DCC: variants seen among roughly 807,000 people sequenced by gnomAD.
DCC encodes netrin receptor DCC.
A neutral mutation model predicts 172.5 loss-of-function variants in DCC; 58 were observed. The observed-to-expected ratio is 0.34, with a 90% confidence interval of 0.27 to 0.42. The LOEUF (loss-of-function observed/expected upper bound fraction) is 0.42. Among genes scored for constraint, DCC ranks in the 10% least tolerant of loss-of-function variants. DCC has a pLI of 1.00. For missense variants in DCC, 1,740 were observed against 1,791.0 expected (o/e 0.97, Z 0.51); for synonymous variants, 709 against 644.5 (o/e 1.10, Z -1.52).
At chr18:53,376,198 C>T (rs950323798) in intron 15 of DCC, among the ~76,000 whole-genome samples, 8 of 151,954 alleles carry the variant, frequency 5.3e-5, no homozygotes, top group Admixed American at 3.9e-4. Flanking sequence ...TCGAGAACAA[C>T]CTGGCCAACA....
At chr18:52,519,871 G>A (rs2031756738) in intron 1 of DCC, among the ~76,000 whole-genome samples, 1 of 152,164 alleles carries the variant, frequency 6.6e-6, no homozygotes, top group Non-Finnish European at 1.5e-5. Context: ...AAGTATCTGA[G>A]CAAAGAAATA....
intron 1 of DCC, among the ~76,000 whole-genome samples, chr18:52,601,124 T>G (rs1195600414): frequency 6.6e-6 from 1 of 152,138 alleles, no homozygotes; most frequent in Non-Finnish European, 1.5e-5. Flanking sequence ...GTTGCTGTTT[T>G]CTAAGGAGGT....
At chr18:52,677,510 T>A (rs1056435498) in intron 1 of DCC, among the ~76,000 whole-genome samples, 2 of 151,942 alleles carry the variant, frequency 1.3e-5, no homozygotes, top group Non-Finnish European at 2.9e-5. Flanking sequence ...ATTATTATTG[T>A]TTCTATTGTT....
intron 5 of DCC, among the ~76,000 whole-genome samples, chr18:53,002,771 G>GTGTT (rs2041586012): frequency 6.6e-6 from 1 of 152,120 alleles, no homozygotes; most frequent in African/African-American, 2.4e-5. Flanking sequence ...TTTTGAATGA[G>GTGTT]TGTTAGCCTT....
At chr18:52,377,774 T>A (rs1477317970) in intron 1 of DCC, among the ~76,000 whole-genome samples, 1 of 151,536 alleles carries the variant, frequency 6.6e-6, no homozygotes, top group Admixed American at 6.6e-5. Context: ...TGACACAATC[T>A]TGGCTCACCA....
chr18:52,892,620 C>A (rs2039667138), intron 2 of DCC: 1 of 152,146 alleles, frequency 6.6e-6, no homozygotes, highest in African/African-American at 2.4e-5. Flanking sequence ...AGACACATTT[C>A]AGACTATAAA....
At chr18:53,353,440 T>TA (rs1028760858) in intron 15 of DCC, among the ~76,000 whole-genome samples, 5 of 151,838 alleles carry the variant, frequency 3.3e-5, no homozygotes, top group African/African-American at 1.2e-4. Context: ...CTTTAAAGGT[T>TA]AAAAAAATAA....
intron 1 of DCC, among the ~76,000 whole-genome samples, chr18:52,743,838 A>AT (rs542857308): frequency 1.1e-4 from 16 of 152,198 alleles, no homozygotes; most frequent in Non-Finnish European, 2.1e-4. Context: ...GGAAGAGAAA[A>AT]AGAAGAATCA....
At chr18:52,543,119 A>G (rs1329559443) in intron 1 of DCC, among the ~76,000 whole-genome samples, 1 of 152,220 alleles carries the variant, frequency 6.6e-6, no homozygotes, top group Non-Finnish European at 1.5e-5. Context: ...AATAGAGGCT[A>G]GACAGAATGT....
intron 5 of DCC, among the ~76,000 whole-genome samples, chr18:53,022,236 A>G (rs546015265): frequency 2.6e-5 from 4 of 152,138 alleles, no homozygotes; most frequent in Non-Finnish European, 5.9e-5. Context: ...CTCAAATTAG[A>G]TATTCTTATT....
intron 5 of DCC, among the ~76,000 whole-genome samples, chr18:53,051,963 G>A (rs899266338): frequency 1.3e-5 from 2 of 151,974 alleles, no homozygotes; most frequent in African/African-American, 4.8e-5. Context: ...AGGAATGCCA[G>A]TTATTTTAAT....
At chr18:52,677,100 G>C (rs2035658588) in intron 1 of DCC, among the ~76,000 whole-genome samples, 1 of 152,104 alleles carries the variant, frequency 6.6e-6, no homozygotes, top group Non-Finnish European at 1.5e-5. Flanking sequence ...CCAACATTTT[G>C]TAATAGATGT....
chr18:52,438,098 C>T (rs1987855026), intron 1 of DCC, among the ~76,000 whole-genome samples: 1 of 152,122 alleles, frequency 6.6e-6, no homozygotes, highest in Admixed American at 6.5e-5. Flanking sequence ...CTAACCATTC[C>T]CAGTTTCAAA....
intron 9 of DCC, among the ~76,000 whole-genome samples, chr18:53,201,730 A>C (rs1163235390): frequency 1.3e-5 from 2 of 152,110 alleles, no homozygotes; most frequent in Non-Finnish European, 2.9e-5. Context: ...ATCACTGTAC[A>C]CTTTAAGACT....
chr18:52,845,325 A>C (rs1407801410), intron 2 of DCC, among the ~76,000 whole-genome samples: 1 of 152,238 alleles, frequency 6.6e-6, no homozygotes, highest in Non-Finnish European at 1.5e-5. Context: ...ATATTGACAC[A>C]ATTTAAAATG....
chr18:53,512,158 C>A (rs1273502912), intron 27 of DCC, among the ~76,000 whole-genome samples: 1 of 150,706 alleles, frequency 6.6e-6, no homozygotes, highest in Non-Finnish European at 1.5e-5. Context: ...CTGACCCCGA[C>A]CCCCCAGCAG....
chr18:52,925,697 A>G (rs1291326948), intron 5 of DCC, among the ~76,000 whole-genome samples: 2 of 152,030 alleles, frequency 1.3e-5, no homozygotes, highest in Non-Finnish European at 2.9e-5. Flanking sequence ...TAAATGAAGG[A>G]AAATTGTACA....
At chr18:52,367,144 C>A (rs549138450) in intron 1 of DCC, among the ~76,000 whole-genome samples, 1 of 152,244 alleles carries the variant, frequency 6.6e-6, no homozygotes, top group Non-Finnish European at 1.5e-5. Flanking sequence ...GCCACTGGCC[C>A]GTGTGCTAAG....
chr18:52,622,047 G>C (rs962411890), intron 1 of DCC, among the ~76,000 whole-genome samples: 1 of 152,088 alleles, frequency 6.6e-6, no homozygotes, highest in Non-Finnish European at 1.5e-5. Flanking sequence ...AAAAGAGAGC[G>C]ATTAAAAGAG....
Sources: allele counts gnomAD v4.1 joint callset (sites outside exome capture counted in the v4.1 genomes callset), GRCh38; gene constraint gnomAD v4.1.1; transcripts MANE v1.5; gene names NCBI Gene and HGNC (gene_info 2026-07-23, HGNC 2026-07-21).